RBM20: variants seen among roughly 807,000 people sequenced by gnomAD.
RBM20 encodes the protein RNA binding motif protein 20, also known as RNA-binding protein 20.
In RBM20, 51 loss-of-function variants were observed where a neutral mutation model predicts 110.1. The ratio of observed to expected loss-of-function variants is 0.46; its 90% CI spans 0.37 to 0.59. The LOEUF (loss-of-function observed/expected upper bound fraction) is 0.59. Ranked by LOEUF, RBM20 falls within the 20% of genes least tolerant of loss-of-function variation. The pLI is 0.00. For synonymous variants in RBM20, 589 were observed against 618.2 expected (o/e 0.95, Z 0.70); for missense variants, 1,512 against 1,574.9 (o/e 0.96, Z 0.68).
chr10:110,770,487 TA>T, intron 1 of RBM20, among the ~76,000 whole-genome samples: 1 of 152,280 alleles, frequency 6.6e-6, no homozygotes, highest in East Asian at 1.9e-4. Flanking sequence ...CAATAAGATG[TA>T]GAGTTATTGG....
chr10:110,699,762 T>G (rs1176091506), intron 1 of RBM20, among the ~76,000 whole-genome samples: 1 of 152,142 alleles, frequency 6.6e-6, no homozygotes, highest in Non-Finnish European at 1.5e-5. Context: ...TATACTATGT[T>G]TTTTTCCTAT....
At chr10:110,716,287 T>C (rs1863015626) in intron 1 of RBM20, among the ~76,000 whole-genome samples, 1 of 152,178 alleles carries the variant, frequency 6.6e-6, no homozygotes, top group South Asian at 2.1e-4. Context: ...CCTCATTTCC[T>C]GCCATAGAAC....
intron 1 of RBM20, among the ~76,000 whole-genome samples, chr10:110,678,919 G>A (rs1165954838): frequency 6.6e-6 from 1 of 152,150 alleles, no homozygotes; most frequent in African/African-American, 2.4e-5. Flanking sequence ...GAGCACAGAT[G>A]GGTTCATGCT....
chr10:110,817,264 A>G (rs931267572), intron 9 of RBM20, among the ~76,000 whole-genome samples: 4 of 152,220 alleles, frequency 2.6e-5, no homozygotes, highest in African/African-American at 7.2e-5. Context: ...GCAGGAACGC[A>G]TGCCACGCTG....
intron 1 of RBM20, among the ~76,000 whole-genome samples, chr10:110,762,629 G>C (rs548249752): frequency 1.1e-4 from 16 of 152,314 alleles, no homozygotes; most frequent in African/African-American, 3.9e-4. Context: ...GGCTGTACCA[G>C]GTGACACGTG....
intron 1 of RBM20, among the ~76,000 whole-genome samples, chr10:110,738,590 C>T (rs1232347890): frequency 6.6e-6 from 1 of 152,060 alleles, no homozygotes; most frequent in Non-Finnish European, 1.5e-5. Flanking sequence ...CTTGGACTAA[C>T]ACTTATGACA....
intron 1 of RBM20, among the ~76,000 whole-genome samples, chr10:110,736,299 A>G (rs1843669303): frequency 1.3e-5 from 2 of 152,204 alleles, no homozygotes; most frequent in Admixed American, 1.3e-4. Flanking sequence ...TGCACACAAT[A>G]TACCCAGTTT....
chr10:110,789,979 T>C (rs1570427), intron 5 of RBM20, among the ~76,000 whole-genome samples: 24,719 of 152,186 alleles, frequency 0.16, 2,501 homozygotes, highest in East Asian at 0.53. Flanking sequence ...CTTGCAGTTT[T>C]CACAACCATC....
At chr10:110,783,672 T>C (rs770731740) in intron 3 of RBM20, among the ~76,000 whole-genome samples, 25 of 152,368 alleles carry the variant, frequency 1.6e-4, no homozygotes, top group Non-Finnish European at 2.8e-4. Flanking sequence ...AGGCCGGAAG[T>C]GCGTGTGTGC....
At chr10:110,659,367 C>T (rs1044607801) in intron 1 of RBM20, among the ~76,000 whole-genome samples, 27 of 152,354 alleles carry the variant, frequency 1.8e-4, no homozygotes, top group African/African-American at 6.5e-4. Flanking sequence ...TTAGAGTCCA[C>T]ATGGGTTAAA....
chr10:110,653,944 A>G (rs1464146142), intron 1 of RBM20, among the ~76,000 whole-genome samples: 1 of 152,214 alleles, frequency 6.6e-6, no homozygotes, highest in African/African-American at 2.4e-5. Flanking sequence ...AGAATGAACC[A>G]TGATATGGCT....
At position 110,831,180 on chromosome 10, in the gene RBM20, C is replaced by A. The variant is rs1338307495; in HGVS notation, c.3571C>A (p.Gln1191Lys). The part of the protein sequence containing the change: ...CRSAVHYRNL[Q>K]KYLSQLAEEG... ...CAGCGCTGTCCACTACAGGAACTTACAGGTAAAAATCCACTCTCCTTGCCC... is the reference window on the plus strand; with the variant it reads ...CAGCGCTGTCCACTACAGGAACTTAAAGGTAAAAATCCACTCTCCTTGCCC... The change falls in exon 13 of 14, where the codon CAG (glutamine) becomes AAG (lysine). Residue 1191 changes from glutamine (Q) to lysine (K), a missense_variant and splice_region_variant. Transcript: ENST00000369519. 15 of 1,550,832 alleles carry A rather than the reference C, an allele frequency of 9.7e-6. No individual in the cohort carries two copies. Among genetic ancestry groups the A allele is most frequent in the Non-Finnish European group, 1.3e-5 (15 of 1,146,446 alleles).
rs2134965485 is a variant in RBM20, at chr10:110,739,349, G to A, written c.192-41452G>A. On this transcript the variant is annotated intron_variant, in intron 1 of 13. Transcript: ENST00000369519. This position sits in a 1 kb window ranked among gnomAD's most constrained non-coding sequence, Gnocchi z 4.1. ...TTAGGTGCCCACTCTGGGTTACTGT[G>A]TCTCGCACTGTCCTGGACACTAGGG... 6.6e-6 allele frequency among the ~76,000 whole-genome samples: 1 copy of A among 152,296 alleles called. No homozygotes were observed. The highest frequency in any genetic ancestry group is 2.1e-4 in the South Asian group (1 of 4,826).
At chr10:110,698,151 G>T (rs964967066) in intron 1 of RBM20, among the ~76,000 whole-genome samples, 2 of 151,964 alleles carry the variant, frequency 1.3e-5, no homozygotes, top group Non-Finnish European at 2.9e-5. Context: ...CTCATGATCC[G>T]CCCACCTCGG....
chr10:110,818,302 A>C (rs1171958932), intron 9 of RBM20, among the ~76,000 whole-genome samples: 1 of 151,140 alleles, frequency 6.6e-6, no homozygotes, highest in African/African-American at 2.4e-5. Context: ...AAAAAAAAAA[A>C]AAAAACCAAA....
At chr10:110,643,588 T>C (rs1308001390), upstream of RBM20, among the ~76,000 whole-genome samples, 1 of 152,190 alleles carries the variant, frequency 6.6e-6, no homozygotes. Flanking sequence ...AAGAATAAAA[T>C]GTACGCATGG....
chr10:110,823,758 C>T (rs1406905792), intron 12 of RBM20, 144 bp downstream of exon 12: 5 of 886,850 alleles, frequency 5.6e-6, no homozygotes. Context: ...CACTCTGTCA[C>T]CCAGGCTGCA....
At chr10:110,724,566 C>G (rs1843541652) in intron 1 of RBM20, among the ~76,000 whole-genome samples, 1 of 152,166 alleles carries the variant, frequency 6.6e-6, no homozygotes, top group Non-Finnish European at 1.5e-5. Flanking sequence ...AGCATTGACT[C>G]CCTGGCTTCT....
chr10:110,779,802 T>C (rs1844313591), intron 1 of RBM20, among the ~76,000 whole-genome samples: 1 of 152,246 alleles, frequency 6.6e-6, no homozygotes, highest in Non-Finnish European at 1.5e-5. Context: ...TAGGAGACGC[T>C]GAATTTGTTT....
Sources: allele counts gnomAD v4.1 joint callset (sites outside exome capture counted in the v4.1 genomes callset), GRCh38; gene constraint gnomAD v4.1.1; non-coding constraint Gnocchi (gnomAD v3.1); transcripts MANE v1.5; gene names NCBI Gene and HGNC (gene_info 2026-07-23, HGNC 2026-07-21).